XKR4: variants seen among roughly 807,000 people sequenced by gnomAD.
XKR4 encodes XK related 4, also known as XK-related protein 4.
Under a neutral mutation model 53.9 loss-of-function variants are expected in XKR4, and 12 were observed. The ratio of observed to expected loss-of-function variants is 0.22; its 90% CI spans 0.14 to 0.36. XKR4 has a LOEUF of 0.36. Ranked by LOEUF, XKR4 falls within the 10% of genes least tolerant of loss-of-function variation. The pLI is 1.00. For missense variants in XKR4, 799 were observed against 859.5 expected, an observed-to-expected ratio of 0.93 and a Z score of 0.88; for synonymous variants, 354 against 362.4, an observed-to-expected ratio of 0.98 and a Z score of 0.26.
chr8:55,390,325 C>T (rs908477019), intron 2 of XKR4, among the ~76,000 whole-genome samples: 2 of 152,240 alleles, frequency 1.3e-5, no homozygotes, highest in African/African-American at 4.8e-5. Flanking sequence ...AATGGAAAGC[C>T]TAATAAATAC....
At chr8:55,126,644 A>G (rs543012877) in intron 1 of XKR4, among the ~76,000 whole-genome samples, 4 of 152,242 alleles carry the variant, frequency 2.6e-5, no homozygotes, top group Admixed American at 2.0e-4. Flanking sequence ...GAGAAGTTCC[A>G]TAAAAAGTTC....
intron 1 of XKR4, among the ~76,000 whole-genome samples, chr8:55,136,764 A>G (rs566396486): frequency 5.3e-5 from 8 of 152,342 alleles, no homozygotes; most frequent in Non-Finnish European, 1.0e-4. Context: ...AAAAAAAGTG[A>G]GAAAGTCTGT....
intron 2 of XKR4, chr8:55,453,866 G>A (rs953046220): frequency 3.8e-5 from 21 of 545,824 alleles, no homozygotes; most frequent in Admixed American, 6.8e-5. Context: ...AAACAGGTCC[G>A]TGGGGCAGTA....
At position 55,232,155 on chromosome 8, in the gene XKR4, C is replaced by G. The variant is rs144882266; in HGVS notation, c.807-125523C>G. ...TTTCCGTTGGGTTGTACATCCAAGT[C>G]CCCTGGCTCTTGTGGCCAAGGGGAG... On this transcript the variant is annotated intron_variant, in intron 1 of 2. Transcript: ENST00000327381. Among the ~76,000 whole-genome samples the G allele has an allele frequency of 2.9e-4, 44 of 152,338 alleles. No individual in the cohort carries two copies. In the East Asian group the frequency reaches 8.3e-3, roughly 29 times the overall value.
chr8:55,454,256 A>G, intron 2 of XKR4: 2 of 1,269,410 alleles, frequency 1.6e-6, no homozygotes, highest in Non-Finnish European at 2.3e-6. Flanking sequence ...CAGATCAGCT[A>G]CAATCACGTC....
intron 1 of XKR4, among the ~76,000 whole-genome samples, chr8:55,283,976 G>T (rs967763679): frequency 7.9e-5 from 12 of 152,014 alleles, no homozygotes; most frequent in Admixed American, 2.0e-4. Context: ...TTCCAGCTCT[G>T]CCATGACTAC....
intron 1 of XKR4, among the ~76,000 whole-genome samples, chr8:55,110,523 G>T (rs1816216181): frequency 6.6e-6 from 1 of 152,148 alleles, no homozygotes; most frequent in Non-Finnish European, 1.5e-5. Context: ...AGATTCTAAT[G>T]GTGTGGTGAA....
At chr8:55,509,189 C>T (rs1806586215) in intron 2 of XKR4, among the ~76,000 whole-genome samples, 1 of 152,160 alleles carries the variant, frequency 6.6e-6, no homozygotes, top group Admixed American at 6.5e-5. Context: ...CTGCTCTGAA[C>T]AGGTGTGTGA....
chr8:55,224,081 A>G (rs1272417148), intron 1 of XKR4, among the ~76,000 whole-genome samples: 2 of 152,194 alleles, frequency 1.3e-5, no homozygotes, highest in African/African-American at 4.8e-5. Context: ...GCATAAATAT[A>G]TACATCTGCT....
At chr8:55,451,455 C>A in intron 2 of XKR4, 1 of 1,247,590 alleles carries the variant, frequency 8.0e-7, no homozygotes, top group Non-Finnish European at 1.1e-6. Flanking sequence ...GCAGGTACTT[C>A]TCCTGCTCCA....
rs554390378 is a variant in XKR4 at position 55,334,028 on chromosome 8, G to A, written c.807-23650G>A. ...CTTAATGTTCACCTGAGAGAACAAG[G>A]ATCTGGAGTTTCCTAGTGTACCATG... is the stretch of plus-strand genomic sequence containing the variant. On this transcript the variant is annotated intron_variant, in intron 1 of 2. Transcript: ENST00000327381. Among the ~76,000 whole-genome samples the A allele has an allele frequency of 9.2e-5, 14 of 152,276 alleles. No individual in the cohort carries two copies. The South Asian group carries it at 2.9e-3, about 32-fold the overall frequency.
chr8:55,333,626 T>C (rs1803410984), intron 1 of XKR4, among the ~76,000 whole-genome samples: 1 of 152,292 alleles, frequency 6.6e-6, no homozygotes, highest in African/African-American at 2.4e-5. Context: ...CTTGCGATTT[T>C]CTTGAGTTAT....
intron 2 of XKR4, among the ~76,000 whole-genome samples, chr8:55,446,829 C>A (rs146810651): frequency 6.6e-6 from 1 of 152,122 alleles, no homozygotes; most frequent in East Asian, 1.9e-4. Flanking sequence ...AAGGAAATAG[C>A]CACTTAGGTC....
chr8:55,217,381 A>G (rs941078451), intron 1 of XKR4, among the ~76,000 whole-genome samples: 2 of 152,170 alleles, frequency 1.3e-5, no homozygotes, highest in Non-Finnish European at 2.9e-5. Flanking sequence ...ACCACTTTAT[A>G]TCCTCCGGAT....
chr8:55,294,827 CAA>C (rs1819079410), intron 1 of XKR4, among the ~76,000 whole-genome samples: 1 of 152,128 alleles, frequency 6.6e-6, no homozygotes, highest in Non-Finnish European at 1.5e-5. Flanking sequence ...ATCGATGACT[CAA>C]GTCTGTCTTA....
chr8:55,380,262 T>A (rs1804212534), intron 2 of XKR4, among the ~76,000 whole-genome samples: 1 of 152,196 alleles, frequency 6.6e-6, no homozygotes, highest in Admixed American at 6.5e-5. Context: ...CCAAATGTGC[T>A]GTGGCATCCT....
intron 1 of XKR4, among the ~76,000 whole-genome samples, chr8:55,298,681 G>C (rs1036465662): frequency 1.3e-5 from 2 of 152,088 alleles, no homozygotes; most frequent in African/African-American, 4.8e-5. Context: ...ATTTGGAGGG[G>C]ACAAACGTCC....
chr8:55,272,073 A>T (rs980364499), intron 1 of XKR4, among the ~76,000 whole-genome samples: 1 of 152,180 alleles, frequency 6.6e-6, no homozygotes, highest in East Asian at 1.9e-4. Flanking sequence ...GTGGCAGTGG[A>T]TGGTGGAGAG....
intron 1 of XKR4, among the ~76,000 whole-genome samples, chr8:55,140,792 G>A (rs1481550419): frequency 6.6e-6 from 1 of 152,136 alleles, no homozygotes; most frequent in African/African-American, 2.4e-5. Flanking sequence ...TGGTGATGAA[G>A]GGCGCCTTGC....
Sources: gnomAD v4.1 joint callset for allele counts (sites outside exome capture counted in the v4.1 genomes callset) on GRCh38, gnomAD v4.1.1 for gene constraint, MANE v1.5 for transcripts, NCBI Gene and HGNC (gene_info 2026-07-23, HGNC 2026-07-21) for gene names.